CCDC146: variants seen among roughly 807,000 people sequenced by gnomAD.
CCDC146 encodes coiled-coil domain-containing protein 146.
In CCDC146, 92 loss-of-function variants were observed where a neutral mutation model predicts 119.3. The observed-to-expected ratio is 0.77, with a 90% CI of 0.65 to 0.92. CCDC146 has a LOEUF of 0.92. Among genes scored for constraint, CCDC146 ranks in the 40% least tolerant of loss-of-function variants. The pLI is 0.00. For synonymous variants in CCDC146, 372 were observed against 371.8 expected (o/e 1.00, Z -0.01); for missense variants, 1,000 against 1,103.0 (o/e 0.91, Z 1.32).
chr7:77,267,996 A>C (rs1428016385), intron 9 of CCDC146, among the ~76,000 whole-genome samples: 2 of 152,376 alleles, frequency 1.3e-5, no homozygotes, highest in East Asian at 3.9e-4. Context: ...AACACACGCC[A>C]TGGAGAATTG....
At position 77,134,567 on chromosome 7, in the gene CCDC146, G is replaced by C. The variant is rs560623951; in HGVS notation, c.-12+11835G>C. On this transcript the variant is annotated intron_variant, in intron 1 of 18. Transcript: ENST00000285871. ...TGTGTGTGTGTGTGTGTGTGTCTGT[G>C]TGTGTGTGTGTGTGTGTGTGTGTGT... Among the ~76,000 whole-genome samples, 167 of 118,592 alleles carry C rather than the reference G, an allele frequency of 1.4e-3. 1 individual carries two copies. Among genetic ancestry groups the C allele is most frequent in the Admixed American group, 2.0e-3 (25 of 12,294 alleles). The allele number at this position is 118,592 out of a possible 152,430, so 77.8% of individuals were successfully genotyped here. A position where few individuals can be genotyped will look rare whatever the true frequency, so the allele number is the denominator to read the frequency against.
intron 2 of CCDC146, among the ~76,000 whole-genome samples, chr7:77,222,703 A>G (rs1562837863): frequency 6.6e-6 from 1 of 152,224 alleles, no homozygotes; most frequent in African/African-American, 2.4e-5. Flanking sequence ...AGCTATGTAC[A>G]TCTTCTTCAT....
Position 77,260,192 on chromosome 7 carries a change from A to G in CCDC146, c.942A>G (p.Leu314=), listed in dbSNP as rs1206364738. 3 of 1,614,024 alleles carry G rather than the reference A, an allele frequency of 1.9e-6. No individual in the cohort carries two copies. The highest frequency in any genetic ancestry group is 1.7e-6 in the Non-Finnish European group (2 of 1,180,004). The change falls in exon 8 of 19, where the codon CTA becomes CTG. Residue 314 remains leucine, a synonymous_variant. Transcript: ENST00000285871. ...KEREHNQLVK[L]LELARENEAT... is the part of the protein sequence containing the mutation. Reference sequence around the variant, plus strand: ...GAGAACATAACCAATTGGTCAAGCTATTGGAATTAGCCAGAGAGAATGAAG... The same window carrying G: ...GAGAACATAACCAATTGGTCAAGCTGTTGGAATTAGCCAGAGAGAATGAAG...
chr7:77,198,286 C>A, intron 2 of CCDC146: 5 of 985,388 alleles, frequency 5.1e-6, no homozygotes, highest in Non-Finnish European at 6.0e-6. Flanking sequence ...TGAAAGTGAT[C>A]TCCGCCCTGT....
rs1235472833 is a variant in CCDC146, at chr7:77,236,986, G to A, written c.196G>A (p.Ala66Thr). ...MGKLPGTRMA[A>T]LKAKYTLLHD... ...AAAACTTCCTGGAACCAGAATGGCA[G>A]CGTTAAAAGCCAAGTATACCTTGCT... is the stretch of plus-strand genomic sequence containing the variant. Residue 66 changes from alanine to threonine, a missense_variant, in exon 3 of 19, where the codon GCG (alanine) becomes ACG (threonine). Physicochemically the swap from Ala to Thr is moderately conservative, Grantham distance 58. Transcript: ENST00000285871. 25 of 1,614,048 alleles carry A rather than the reference G, an allele frequency of 1.5e-5. No individual in the cohort carries two copies. The highest frequency in any genetic ancestry group is 2.1e-5 in the Non-Finnish European group (25 of 1,180,022).
chr7:77,228,997 C>A (rs114139966), intron 2 of CCDC146, among the ~76,000 whole-genome samples: 2,146 of 152,300 alleles, frequency 0.014, 44 homozygotes, highest in African/African-American at 0.049. Context: ...TCTCCCTCCC[C>A]CAACTAACAG....
At chr7:77,166,994 C>G (rs1020879313) in intron 1 of CCDC146, among the ~76,000 whole-genome samples, 3 of 152,150 alleles carry the variant, frequency 2.0e-5, no homozygotes, top group African/African-American at 7.2e-5. Flanking sequence ...TAGTGTTAAG[C>G]ATTTTGTTTC....
At chr7:77,206,617 A>G (rs1792083840) in intron 2 of CCDC146, among the ~76,000 whole-genome samples, 1 of 151,016 alleles carries the variant, frequency 6.6e-6, no homozygotes, top group Non-Finnish European at 1.5e-5. Flanking sequence ...TGGGTGACAA[A>G]GCGAAACTCT....
intron 2 of CCDC146, among the ~76,000 whole-genome samples, chr7:77,175,376 A>G (rs1791485553): frequency 6.7e-6 from 1 of 149,854 alleles, no homozygotes; most frequent in South Asian, 2.1e-4. Flanking sequence ...GCATAGGAGC[A>G]TTGCATTTGG....
At chr7:77,244,736 A>G (rs1217197994) in intron 4 of CCDC146, among the ~76,000 whole-genome samples, 10 of 152,164 alleles carry the variant, frequency 6.6e-5, no homozygotes, top group African/African-American at 2.4e-4. Flanking sequence ...ATATATTCCC[A>G]TTGTTAAGCA....
chr7:77,274,825 C>T (rs1793600131), intron 11 of CCDC146, among the ~76,000 whole-genome samples, 173 bp downstream of exon 11: 1 of 151,932 alleles, frequency 6.6e-6, no homozygotes, highest in Admixed American at 6.6e-5. Flanking sequence ...GGGAATTGAA[C>T]AATGAGAACA....
Position 77,295,057 on chromosome 7 carries a change from G to A in CCDC146, c.*191G>A, listed in dbSNP as rs1794019060. ...CTATACCTTTCATGACGTTGAATGG[G>A]ACATAGAACTGTCCTACATTTATGT... On this transcript the variant is annotated 3_prime_UTR_variant, in exon 19 of 19. Transcript: ENST00000285871. 1.7e-6 allele frequency: 1 copy of A among 578,656 alleles called. No homozygotes were observed. Among genetic ancestry groups the A allele is most frequent in the African/African-American group, 1.9e-5 (1 of 53,420 alleles). The allele number at this position is 578,656 out of a possible 1,614,324, so 35.8% of individuals were successfully genotyped here.
At position 77,269,105 on chromosome 7, in the gene CCDC146, G is replaced by A. The variant is rs572298811; in HGVS notation, c.1174-4589G>A. ...CTATTCTGTCTTGGATTCCTTTTAC[G>A]CAGATGTTGGACCTTCTAAAACAGT... On this transcript the variant is annotated intron_variant, in intron 9 of 18. Coordinates refer to ENST00000285871, the MANE Select transcript of CCDC146 (RefSeq NM_020879.3). Among the ~76,000 whole-genome samples the A allele has an allele frequency of 1.2e-4, 18 of 152,024 alleles. No homozygotes were observed. The East Asian group carries it at 1.9e-3, about 16-fold the overall frequency.
chr7:77,194,986 A>G (rs1003767350), intron 2 of CCDC146: 1 of 152,192 alleles, frequency 6.6e-6, no homozygotes, highest in African/African-American at 2.4e-5. Context: ...CAGGGTTGAA[A>G]TATATAGTAT....
At chr7:77,293,571 T>A (rs1255802593) in intron 18 of CCDC146, among the ~76,000 whole-genome samples, 1 of 152,214 alleles carries the variant, frequency 6.6e-6, no homozygotes, top group Non-Finnish European at 1.5e-5. Flanking sequence ...TGTTCCATGT[T>A]CATCTCCTGT....
chr7:77,200,356 T>C lies in CCDC146; in HGVS notation c.156+32532T>C, dbSNP rs3093270. Among the ~76,000 whole-genome samples the C allele has an allele frequency of 8.5e-3, 1,302 of 152,356 alleles. 19 individuals carry two copies. Among genetic ancestry groups the C allele is most frequent in the African/African-American group, 0.029 (1,222 of 41,580 alleles). ...AAGTACAGCTTTCTGACTATTGCAG[T>C]TGACTTTTGCTTCATCTACTTGAAA... On this transcript the variant is annotated intron_variant, in intron 2 of 18. Transcript: ENST00000285871.
intron 1 of CCDC146, among the ~76,000 whole-genome samples, chr7:77,163,687 T>C (rs1791296598): frequency 1.3e-5 from 2 of 152,084 alleles, no homozygotes; most frequent in African/African-American, 4.8e-5. Context: ...TGTCTAGGTT[T>C]TGCTTCAAAA....
intron 1 of CCDC146, among the ~76,000 whole-genome samples, chr7:77,133,668 T>TC (rs1790818952): frequency 6.6e-6 from 1 of 151,010 alleles, no homozygotes; most frequent in African/African-American, 2.4e-5. Flanking sequence ...TTTTTTTTTT[T>TC]TACCACTTTT....
chr7:77,170,312 C>T (rs1286398810), intron 2 of CCDC146, among the ~76,000 whole-genome samples: 1 of 151,778 alleles, frequency 6.6e-6, no homozygotes, highest in African/African-American at 2.4e-5. Flanking sequence ...TGATTTCATC[C>T]TCCTATATGG....
Sources: allele counts gnomAD v4.1 joint callset (sites outside exome capture counted in the v4.1 genomes callset), GRCh38; gene constraint gnomAD v4.1.1; transcripts MANE v1.5; gene names NCBI Gene and HGNC (gene_info 2026-07-23, HGNC 2026-07-21).